Variants in DGKK observed in about 807,000 individuals in gnomAD.
DGKK encodes diacylglycerol kinase kappa.
In DGKK, 35 loss-of-function variants were observed where a neutral mutation model predicts 92.2. The observed-to-expected ratio is 0.38, with a 90% CI of 0.29 to 0.50. The LOEUF is 0.50. Ranked by LOEUF, DGKK falls within the 20% of genes least tolerant of loss-of-function variation. The pLI is 0.92. For synonymous variants in DGKK, 368 were observed against 360.6 expected, an observed-to-expected ratio of 1.02 and a Z score of -0.23; for missense variants, 910 against 992.2, an observed-to-expected ratio of 0.92 and a Z score of 1.11.
In DGKK at chrX:50,424,238, TA is replaced by T; in HGVS notation, c.756+9del. The T allele has an allele frequency of 8.3e-7, 1 of 1,205,432 alleles. No individual in the cohort carries two copies. Among genetic ancestry groups the T allele is most frequent in the Non-Finnish European group, 1.1e-6 (1 of 890,975 alleles). On this transcript the variant is annotated intron_variant, in intron 2 of 27. Transcript: ENST00000611977. ...CCCATTAATCTAGTTGACAATATGC[TA>T]TACATTACCGCGGGATGGTGTGCAA...
intron 13 of DGKK, among the ~76,000 whole-genome samples, chrX:50,388,079 C>T (rs1381901989): frequency 8.9e-6 from 1 of 112,030 alleles, no homozygotes; most frequent in African/African-American, 3.2e-5. Context: ...AGAGTGTAGT[C>T]GACTGGGCAG....
At chrX:50,461,312 G>T (rs1419550686) in intron 1 of DGKK, among the ~76,000 whole-genome samples, 1 of 112,022 alleles carries the variant, frequency 8.9e-6, no homozygotes, top group Admixed American at 9.5e-5. Flanking sequence ...AGCGTGTGGG[G>T]CTGTGACTGG....
At chrX:50,458,662 C>A (rs782015538) in intron 1 of DGKK, among the ~76,000 whole-genome samples, 1 of 111,151 alleles carries the variant, frequency 9.0e-6, no homozygotes, top group African/African-American at 3.3e-5. Flanking sequence ...TACTAATCAA[C>A]AGCTCTTCAA....
chrX:50,399,211 A>T (rs1557226360), intron 8 of DGKK, among the ~76,000 whole-genome samples: 1 of 109,787 alleles, frequency 9.1e-6, no homozygotes, highest in African/African-American at 3.3e-5. Flanking sequence ...TTAGGGTTGG[A>T]AAAATAACCG....
chrX:50,454,172 A>G, intron 1 of DGKK, among the ~76,000 whole-genome samples: 1 of 110,861 alleles, frequency 9.0e-6, no homozygotes, highest in Non-Finnish European at 1.9e-5. Flanking sequence ...CCATCTTGCT[A>G]GGCCCCAATC....
At position 50,378,210 on chromosome X, in the gene DGKK, A is replaced by G. The variant is rs1924320872; in HGVS notation, c.2999T>C (p.Ile1000Thr). The stretch of plus-strand genomic sequence containing the variant: ...CACTGGGATACCTTCTTCACCATCA[A>G]TGGTTATCATCACCTCATGGCACTG... ...IAQCHEVMIT[I>T]DGEEGIPVQV... Residue 1000 changes from isoleucine to threonine, a missense_variant, in exon 22 of 28, where the codon ATT (isoleucine) becomes ACT (threonine). Transcript: ENST00000611977. 1 of 1,210,108 alleles carries G rather than the reference A, an allele frequency of 8.3e-7. No individual in the cohort carries two copies. The highest frequency in any genetic ancestry group is 1.1e-6 in the Non-Finnish European group (1 of 894,837).
rs1557232057 is a variant in DGKK at position 50,447,375 on chromosome X, ATATATATAATATATATATAT to A, written c.645+22639_645+22658del. The stretch of plus-strand genomic sequence containing the variant: ...TATATATAATATATATATATTATAT[ATATATATAATATATATATAT>A]TATATATATATATAATATATATATA... On this transcript the variant is annotated intron_variant, in intron 1 of 27. Coordinates refer to ENST00000611977, the MANE Select transcript of DGKK (RefSeq NM_001013742.4). Among the ~76,000 whole-genome samples, 91 of 18,068 alleles carry A rather than the reference ATATATATAATATATATATAT, an allele frequency of 5.0e-3. 11 individuals are homozygous for A. Among genetic ancestry groups the A allele is most frequent in the African/African-American group, 0.038 (84 of 2,234 alleles). 15.7% of individuals were successfully genotyped at this position (18,068 alleles called of 115,157 possible).
At position 50,391,599 on chromosome X, in the gene DGKK, C is replaced by T. The variant is rs143191488; in HGVS notation, c.1705-23G>A. The stretch of plus-strand genomic sequence containing the variant: ...ACACTGCAAGAACAAAAGGAGACAC[C>T]CTTTTCAGACAGTCTTTCTACCAAG... On this transcript the variant is annotated intron_variant, in intron 10 of 27. Coordinates refer to ENST00000611977, the MANE Select transcript of DGKK (RefSeq NM_001013742.4). 3,450 of 1,206,620 alleles carry T rather than the reference C, an allele frequency of 2.9e-3. 71 individuals carry two copies. The African/African-American group carries it at 0.054, about 19-fold the overall frequency.
chrX:50,442,201 C>G (rs1557231344), intron 1 of DGKK, among the ~76,000 whole-genome samples: 1 of 111,566 alleles, frequency 9.0e-6, no homozygotes, highest in African/African-American at 3.3e-5. Context: ...GGGTACTTTG[C>G]TTGAATCCAA....
Position 50,398,743 on chromosome X carries a change from G to C in DGKK, c.1411+2294C>G, listed in dbSNP as rs782510743. 2.7e-5 allele frequency among the ~76,000 whole-genome samples: 3 copies of C among 111,826 alleles called. No homozygotes were observed. The East Asian group carries it at 8.5e-4, about 32-fold the overall frequency. The stretch of plus-strand genomic sequence containing the variant: ...TTTGGCCCAGTTACAAAGGAGAGGC[G>C]GCAACCCTCTTAACACCTATTTGGG... On this transcript the variant is annotated intron_variant, in intron 8 of 27. Coordinates refer to ENST00000611977, the MANE Select transcript of DGKK (RefSeq NM_001013742.4).
At chrX:50,387,503 G>A (rs1184979944) in intron 14 of DGKK, 51 bp downstream of exon 14, 14 of 948,434 alleles carry the variant, frequency 1.5e-5, no homozygotes, top group Admixed American at 1.1e-4. Context: ...TATTAAAAAG[G>A]GCCCCTGGCT....
At chrX:50,393,058 C>T in intron 9 of DGKK, 94 bp downstream of exon 9, 1 of 765,056 alleles carries the variant, frequency 1.3e-6, no homozygotes, top group Non-Finnish European at 1.9e-6. Context: ...TGCCCAAATA[C>T]AAGAACTGAT....
chrX:50,462,195 G>C (rs1926762016), intron 1 of DGKK, among the ~76,000 whole-genome samples: 1 of 110,927 alleles, frequency 9.0e-6, no homozygotes, highest in African/African-American at 3.3e-5. Context: ...GCCTTTCTTG[G>C]GAGTGTTGCC....
At chrX:50,465,774 T>A (rs1419995695) in intron 1 of DGKK, among the ~76,000 whole-genome samples, 3 of 111,107 alleles carry the variant, frequency 2.7e-5, no homozygotes, top group Non-Finnish European at 5.7e-5. Flanking sequence ...AGGCCATATG[T>A]CAGATTTTTA....
intron 4 of DGKK, among the ~76,000 whole-genome samples, chrX:50,413,969 A>T (rs1411730872): frequency 8.9e-6 from 1 of 112,274 alleles, no homozygotes; most frequent in Non-Finnish European, 1.9e-5. Context: ...AGTGTCCATC[A>T]ACAAATGAAT....
At chrX:50,392,498 T>C (rs781876520) in intron 9 of DGKK, 49 bp from the exon 10 acceptor site, 1 of 1,035,793 alleles carries the variant, frequency 9.7e-7, no homozygotes, top group Non-Finnish European at 1.4e-6. Flanking sequence ...AGCTGGGTTT[T>C]GTAACTTTTC....
intron 1 of DGKK, among the ~76,000 whole-genome samples, chrX:50,438,902 T>C (rs112214382): frequency 8.5e-4 from 95 of 111,447 alleles, no homozygotes; most frequent in Non-Finnish European, 1.5e-3. Flanking sequence ...AATTTAACAC[T>C]GCGGGGATAG....
intron 1 of DGKK, 101 bp from the exon 2 acceptor site, chrX:50,424,459 T>C: frequency 1.4e-6 from 1 of 719,338 alleles, no homozygotes; most frequent in Non-Finnish European, 2.0e-6. Flanking sequence ...AGGCTCTATC[T>C]TGTCACATAT....
rs782324961 is a variant in DGKK, at chrX:50,401,123, C to T, written c.1325G>A (p.Arg442Lys). ...GCAACATTCCTTGGAAAACCGTCTC[C>T]TACAGTCATCATGCACCTGAAACGA... The part of the protein sequence containing the change: ...WCNSTVHDDC[R>K]RRFSKECCFR... Residue 442 changes from arginine to lysine, a missense_variant, in exon 8 of 28, where the codon AGG becomes AAG. Transcript: ENST00000611977. The T allele has an allele frequency of 8.4e-6, 10 of 1,195,842 alleles. No individual in the cohort carries two copies. Among genetic ancestry groups the T allele is most frequent in the Non-Finnish European group, 1.0e-5 (9 of 887,803 alleles).
Sources: allele counts gnomAD v4.1 joint callset (sites outside exome capture counted in the v4.1 genomes callset), GRCh38; gene constraint gnomAD v4.1.1; transcripts MANE v1.5; gene names NCBI Gene and HGNC (gene_info 2026-07-23, HGNC 2026-07-21).